The following GGNBP2 variants were observed in gnomAD, a reference collection of about 807,000 sequenced individuals.
The protein encoded by GGNBP2 is gametogenetin-binding protein 2.
A neutral mutation model predicts 85.9 loss-of-function variants in GGNBP2; 10 were observed. The observed-to-expected ratio is 0.12, with a 90% CI of 0.07 to 0.20. The LOEUF (loss-of-function observed/expected upper bound fraction) is 0.20. GGNBP2 is among the 10% of genes least tolerant of loss of function. The pLI is 1.00. For missense variants in GGNBP2, 595 were observed against 857.8 expected (o/e 0.69, Z 3.83); for synonymous variants, 287 against 285.7 (o/e 1.00, Z -0.05).
intron 5 of GGNBP2, among the ~76,000 whole-genome samples, chr17:36,563,692 A>C (rs2074441819): frequency 6.7e-6 from 1 of 150,370 alleles, no homozygotes; most frequent in African/African-American, 2.5e-5. Flanking sequence ...TCTTAAGGAT[A>C]GTTGTTATTT....
At chr17:36,582,383 C>T (rs1020914790) in intron 9 of GGNBP2, 3 of 151,972 alleles carry the variant, frequency 2.0e-5, no homozygotes, top group African/African-American at 4.8e-5. Context: ...GAAACTCTCT[C>T]AAAATAAATA....
intron 6 of GGNBP2, chr17:36,575,079 T>C: frequency 2.1e-6 from 2 of 960,128 alleles, no homozygotes; most frequent in East Asian, 2.4e-5. Context: ...GATTCCTTCA[T>C]GGGCAGGGAG....
At chr17:36,565,196 A>G (rs530554905) in intron 5 of GGNBP2, among the ~76,000 whole-genome samples, 5 of 152,350 alleles carry the variant, frequency 3.3e-5, no homozygotes, top group African/African-American at 7.2e-5. Context: ...TTTAGTAACA[A>G]TGAGATAATT....
At chr17:36,550,982 G>T (rs1263110399) in intron 2 of GGNBP2, among the ~76,000 whole-genome samples, 2 of 152,174 alleles carry the variant, frequency 1.3e-5, no homozygotes, top group Non-Finnish European at 1.5e-5. Context: ...AAGGTAAAAA[G>T]CCATTGTCCT....
chr17:36,563,804 C>G (rs34874411), intron 5 of GGNBP2, among the ~76,000 whole-genome samples: 46,223 of 149,038 alleles, frequency 0.31, 8,276 homozygotes, highest in Non-Finnish European at 0.41. Flanking sequence ...AGTGCAGTGG[C>G]GCGATCTCGG....
At chr17:36,570,446 T>A (rs1457615552) in intron 6 of GGNBP2, among the ~76,000 whole-genome samples, 1 of 152,222 alleles carries the variant, frequency 6.6e-6, no homozygotes, top group Non-Finnish European at 1.5e-5. Context: ...ATGCCTGTAA[T>A]CCCAGCACTT....
At chr17:36,554,346 A>T (rs1236312883) in intron 2 of GGNBP2, among the ~76,000 whole-genome samples, 1 of 109,854 alleles carries the variant, frequency 9.1e-6, no homozygotes, top group Non-Finnish European at 1.8e-5. Context: ...TGTCTTATGT[A>T]CTTGAATTTT....
At chr17:36,551,631 G>A (rs532856075) in intron 2 of GGNBP2, among the ~76,000 whole-genome samples, 1 of 151,938 alleles carries the variant, frequency 6.6e-6, no homozygotes, top group South Asian at 2.1e-4. Flanking sequence ...ATCACCTGAG[G>A]TCAGGAGTTC....
intron 6 of GGNBP2, chr17:36,574,789 C>T (rs991488894): frequency 9.8e-5 from 64 of 650,602 alleles, no homozygotes; most frequent in Non-Finnish European, 5.3e-5. Flanking sequence ...GGTGGCCTGT[C>T]GGCTTGCAAG....
At chr17:36,558,518 C>T (rs1411378764) in intron 4 of GGNBP2, among the ~76,000 whole-genome samples, 2 of 149,938 alleles carry the variant, frequency 1.3e-5, no homozygotes, top group Non-Finnish European at 1.5e-5. Flanking sequence ...TGCAATGGCT[C>T]GATCTCAGCT....
chr17:36,584,540 C>T (rs1303731979), intron 9 of GGNBP2, among the ~76,000 whole-genome samples: 3 of 152,134 alleles, frequency 2.0e-5, no homozygotes, highest in East Asian at 3.9e-4. Context: ...GTCTCACCAT[C>T]TTGGCTAGGC....
chr17:36,574,068 C>G (rs2074552702), intron 6 of GGNBP2, among the ~76,000 whole-genome samples: 2 of 151,968 alleles, frequency 1.3e-5, no homozygotes, highest in African/African-American at 4.8e-5. Flanking sequence ...TTTGGGTTGC[C>G]TTTTTACTCT....
chr17:36,565,927 G>A (rs977167846), intron 5 of GGNBP2, among the ~76,000 whole-genome samples: 1 of 152,018 alleles, frequency 6.6e-6, no homozygotes, highest in East Asian at 1.9e-4. Flanking sequence ...AGAATAGAAG[G>A]ATGTAGCATG....
At chr17:36,560,899 T>C (rs1173282437) in intron 5 of GGNBP2, 28 bp downstream of exon 5, 1 of 1,123,774 alleles carries the variant, frequency 8.9e-7, no homozygotes, top group Non-Finnish European at 1.3e-6. Flanking sequence ...CCAAGAGGCT[T>C]TGTCATTGTT....
Position 36,545,769 on chromosome 17 carries a change from C to A in GGNBP2, c.45C>A (p.Phe15Leu), listed in dbSNP as rs140693226. Residue 15 changes from phenylalanine (F) to leucine (L), a missense_variant, in exon 2 of 14, where the codon TTC becomes TTA. Transcript: ENST00000613102. ...TGTGCAGGGACGGGGAGGAGGAGTT[C>A]CCCTTCGAGAGGAGGCAGATTCCCC... ...VAVCRDGEEEFPFERRQIPLY... is the reference protein window; with the variant it reads ...VAVCRDGEEELPFERRQIPLY... 7.6e-6 allele frequency: 12 copies of A among 1,583,676 alleles called. No homozygotes were observed. The Admixed American group carries it at 2.2e-4, about 28-fold the overall frequency.
chr17:36,577,628 C>T (rs770150888), intron 6 of GGNBP2: 13 of 286,838 alleles, frequency 4.5e-5, no homozygotes, highest in Non-Finnish European at 8.1e-5. Context: ...TTTGTTGCCT[C>T]TATTGTTTTA....
At chr17:36,579,712 T>C (rs1004400609) in intron 8 of GGNBP2, among the ~76,000 whole-genome samples, 54 of 152,196 alleles carry the variant, frequency 3.5e-4, no homozygotes, top group African/African-American at 1.3e-3. Flanking sequence ...GATGCTGCTA[T>C]GAAACATAAC....
At chr17:36,547,518 A>G (rs1448344857) in intron 2 of GGNBP2, 1 of 152,258 alleles carries the variant, frequency 6.6e-6, no homozygotes, top group Non-Finnish European at 1.5e-5. Context: ...TGAATGCAGC[A>G]CATTAATACA....
rs916098144 is a variant in GGNBP2, at chr17:36,585,470, T to C, written c.1366+20T>C. On this transcript the variant is annotated intron_variant, in intron 10 of 13. Coordinates refer to ENST00000613102, the MANE Select transcript of GGNBP2 (RefSeq NM_024835.5). The stretch of plus-strand genomic sequence containing the variant: ...AGAAAGGTAAGTAAATAATTTCTTT[T>C]TAAAATGAACTCTTAACTCTATTCT... 6.5e-7 allele frequency: 1 copy of C among 1,530,360 alleles called. No individual in the cohort carries two copies. Among genetic ancestry groups the C allele is most frequent in the Admixed American group, 1.9e-5 (1 of 53,450 alleles). The allele number at this position is 1,530,360 out of a possible 1,614,324, so 94.8% of individuals were successfully genotyped here. A position where few individuals can be genotyped will look rare whatever the true frequency, so the allele number is the denominator to read the frequency against.
Sources: allele counts gnomAD v4.1 joint callset (sites outside exome capture counted in the v4.1 genomes callset), GRCh38; gene constraint gnomAD v4.1.1; transcripts MANE v1.5; gene names NCBI Gene and HGNC (gene_info 2026-07-23, HGNC 2026-07-21).